The following AARS1 variants were observed in gnomAD, a reference collection of about 807,000 sequenced individuals.
AARS1 encodes the protein alanyl-tRNA synthetase 1.
Under a neutral mutation model 108.9 loss-of-function variants are expected in AARS1, and 72 were observed. That is an observed-to-expected ratio of 0.66 (90% CI 0.55 to 0.80). AARS1 has a LOEUF of 0.80. Among genes scored for constraint, AARS1 ranks in the 30% least tolerant of loss-of-function variants. The pLI, the probability that AARS1 is intolerant of heterozygous loss-of-function variation, is 0.00. For synonymous variants in AARS1, 489 were observed against 465.7 expected (o/e 1.05, Z -0.64); for missense variants, 1,193 against 1,233.2 (o/e 0.97, Z 0.49).
intron 14 of AARS1, among the ~76,000 whole-genome samples, chr16:70,258,758 G>C (rs1303483961): frequency 6.6e-6 from 1 of 152,110 alleles, no homozygotes; most frequent in South Asian, 2.1e-4. Flanking sequence ...GTAGAGACAG[G>C]GTTAGCCAGG....
At chr16:70,283,342 A>G (rs763988329) in intron 1 of AARS1, among the ~76,000 whole-genome samples, 25 of 151,952 alleles carry the variant, frequency 1.6e-4, no homozygotes, top group Non-Finnish European at 3.1e-4. Flanking sequence ...GGTTGCAGTG[A>G]GCCAAGACCA....
intron 9 of AARS1, among the ~76,000 whole-genome samples, chr16:70,266,813 TG>T (rs1320055372): frequency 6.6e-6 from 1 of 151,260 alleles, no homozygotes; most frequent in Non-Finnish European, 1.5e-5. Context: ...TGAGCCACTG[TG>T]CCCAGCCTTA....
intron 1 of AARS1, among the ~76,000 whole-genome samples, chr16:70,285,715 C>A (rs2152172193): frequency 6.6e-6 from 1 of 152,300 alleles, no homozygotes; most frequent in East Asian, 1.9e-4. Context: ...TCCCAAAGTG[C>A]TAGGATTACA....
At chr16:70,287,668 A>C (rs143642207) in intron 1 of AARS1, among the ~76,000 whole-genome samples, 1 of 152,074 alleles carries the variant, frequency 6.6e-6, no homozygotes, top group East Asian at 2.0e-4. Context: ...GCTTGAGCAC[A>C]TAAGTTTGAG....
chr16:70,265,908 G>C (rs1461338697), intron 9 of AARS1, among the ~76,000 whole-genome samples: 6 of 152,222 alleles, frequency 3.9e-5, no homozygotes. Context: ...GCTGGGCACC[G>C]TGGCTCGCGC....
chr16:70,272,113 G>C, intron 4 of AARS1, 141 bp from the exon 5 acceptor site: 3 of 743,220 alleles, frequency 4.0e-6, no homozygotes, highest in Non-Finnish European at 6.8e-6. Context: ...ACAACAGAGC[G>C]AGACTCTGTC....
intron 1 of AARS1, 128 bp from the exon 2 acceptor site, chr16:70,282,912 T>C: frequency 1.1e-6 from 1 of 887,102 alleles, no homozygotes. Context: ...TCCTAAAACC[T>C]CTATGTTGTA....
intron 4 of AARS1, among the ~76,000 whole-genome samples, chr16:70,272,921 CACAA>C (rs1350191087): frequency 2.0e-5 from 3 of 150,656 alleles, no homozygotes; most frequent in Non-Finnish European, 4.4e-5. Flanking sequence ...CACACACACA[CACAA>C]AAGATTGTGC....
At chr16:70,271,669 A>G (rs1220788858) in intron 5 of AARS1, 112 bp downstream of exon 5, 1 of 1,075,440 alleles carries the variant, frequency 9.3e-7, no homozygotes, top group Non-Finnish European at 1.4e-6. Flanking sequence ...TCAGACAGGT[A>G]ATCTGAGAAA....
intron 2 of AARS1, among the ~76,000 whole-genome samples, chr16:70,280,434 C>G (rs531902247): frequency 6.6e-6 from 1 of 152,264 alleles, no homozygotes; most frequent in African/African-American, 2.4e-5. Context: ...TCTCAGCCTC[C>G]TGAGTAGATG....
At chr16:70,266,563 C>T (rs1364068801) in intron 9 of AARS1, among the ~76,000 whole-genome samples, 1 of 150,966 alleles carries the variant, frequency 6.6e-6, no homozygotes, top group Admixed American at 6.6e-5. Context: ...ACTCTGTTGC[C>T]CAGGCTGGAG....
Position 70,259,086 on chromosome 16 carries a change from A to C in AARS1, c.1886T>G (p.Val629Gly). Residue 629 changes from valine to glycine, a missense_variant, in exon 14 of 21, where the codon GTT becomes GGT. Coordinates refer to ENST00000261772, the MANE Select transcript of AARS1 (RefSeq NM_001605.3). ...LGEADQKGSL[V>G]APDRLRFDFT... ...GTCAAATCTGAGGCGGTCAGGAGCA[A>C]CCAATGAGCCTTTCTGGTCAGCTTC... 2.5e-6 allele frequency: 4 copies of C among 1,614,188 alleles called. No individual in the cohort carries two copies. Among genetic ancestry groups the C allele is most frequent in the Non-Finnish European group, 3.4e-6 (4 of 1,180,026 alleles).
intron 15 of AARS1, among the ~76,000 whole-genome samples, chr16:70,257,112 G>T (rs1259624058): frequency 6.6e-6 from 1 of 152,218 alleles, no homozygotes; most frequent in African/African-American, 2.4e-5. Context: ...AGCTGGGCGT[G>T]GTGGTGTGTG....
At position 70,252,818 on chromosome 16, in the gene AARS1, GAC is replaced by G; in HGVS notation, c.2808_2809del (p.Ser937CysfsTer57). The G allele has an allele frequency of 1.9e-6, 3 of 1,614,198 alleles. No individual in the cohort carries two copies. The highest frequency in any genetic ancestry group is 1.7e-6 in the Non-Finnish European group (2 of 1,179,996). The stretch of plus-strand genomic sequence containing the variant: ...AACGTTCTTGCCTGTGGCCTGTGCA[GAC>G]ACATCCTTGCCACCACCTTTACCGT... On this transcript the variant is annotated frameshift_variant, in exon 21 of 21. Coordinates refer to ENST00000261772, the MANE Select transcript of AARS1 (RefSeq NM_001605.3). LOFTEE classifies it high-confidence loss of function.
chr16:70,270,961 C>A (rs1960385962), intron 5 of AARS1, among the ~76,000 whole-genome samples: 1 of 151,574 alleles, frequency 6.6e-6, no homozygotes, highest in South Asian at 2.1e-4. Context: ...CCAGCCTGGC[C>A]AACATGATGA....
At chr16:70,282,916 T>C (rs937343587) in intron 1 of AARS1, 132 bp from the exon 2 acceptor site, 25 of 844,652 alleles carry the variant, frequency 3.0e-5, no homozygotes, top group Non-Finnish European at 4.4e-5. Context: ...AAAACCTCTA[T>C]GTTGTAATGT....
At chr16:70,269,102 T>C (rs897136826) in intron 7 of AARS1, among the ~76,000 whole-genome samples, 5 of 151,476 alleles carry the variant, frequency 3.3e-5, no homozygotes, top group Admixed American at 6.6e-5. Context: ...GGCGGGCGGA[T>C]CACCTGAGGT....
intron 2 of AARS1, among the ~76,000 whole-genome samples, chr16:70,281,404 G>A (rs1597448058): frequency 6.6e-6 from 1 of 152,104 alleles, no homozygotes; most frequent in Admixed American, 6.6e-5. Flanking sequence ...GGTGGCTCAC[G>A]TCTATAATCC....
chr16:70,252,978 G>A, intron 20 of AARS1, 72 bp from the exon 21 acceptor site: 3 of 1,509,964 alleles, frequency 2.0e-6, no homozygotes, highest in Non-Finnish European at 1.8e-6. Flanking sequence ...GGAAAGAAAG[G>A]ATGGAGGAGC....
Sources: allele counts gnomAD v4.1 joint callset (sites outside exome capture counted in the v4.1 genomes callset), GRCh38; gene constraint gnomAD v4.1.1; transcripts MANE v1.5; gene names NCBI Gene and HGNC (gene_info 2026-07-23, HGNC 2026-07-21).